PRR14L: variants seen among roughly 807,000 people sequenced by gnomAD.
PRR14L encodes proline rich 14 like.
Under a neutral mutation model 155.0 loss-of-function variants are expected in PRR14L, and 80 were observed. The ratio of observed to expected loss-of-function variants is 0.52; its 90% CI spans 0.43 to 0.62. The LOEUF is 0.62. Ranked by LOEUF, PRR14L falls within the 20% of genes least tolerant of loss-of-function variation. The pLI, the probability that PRR14L is intolerant of heterozygous loss-of-function variation, is 0.00. For synonymous variants in PRR14L, 883 were observed against 916.0 expected (o/e 0.96, Z 0.65); for missense variants, 2,469 against 2,548.0 (o/e 0.97, Z 0.67).
In PRR14L at chr22:31,714,824, G is replaced by A. The variant is rs1427823682; in HGVS notation, c.3015C>T (p.His1005=). Reference sequence around the variant, plus strand: ...CCTTTTGGTTGTGGTTTACCTCCCCGTGAGGCTCGGTGACAGTCTCTCTCT... The same window carrying A: ...CCTTTTGGTTGTGGTTTACCTCCCCATGAGGCTCGGTGACAGTCTCTCTCT... ...SDQRETVTEP[H]GEVNHNQKDL... Residue 1005 remains histidine, a synonymous_variant, in exon 4 of 9, where the codon CAC becomes CAT. Coordinates refer to ENST00000327423, the MANE Select transcript of PRR14L (RefSeq NM_173566.3). 6.4e-6 allele frequency: 10 copies of A among 1,551,884 alleles called. No homozygotes were observed. Among genetic ancestry groups the A allele is most frequent in the East Asian group, 2.4e-5 (1 of 40,934 alleles).
chr22:31,695,809 G>C (rs2074532646), intron 7 of PRR14L, among the ~76,000 whole-genome samples: 2 of 152,088 alleles, frequency 1.3e-5, no homozygotes, highest in South Asian at 4.1e-4. Flanking sequence ...GGGAGGTGGT[G>C]TCCCTTCCAA....
In PRR14L at chr22:31,716,219, G is replaced by T; in HGVS notation, c.1620C>A (p.Asp540Glu). 1 of 1,551,032 alleles carries T rather than the reference G, an allele frequency of 6.4e-7. No homozygotes were observed. The highest frequency in any genetic ancestry group is 8.7e-7 in the Non-Finnish European group (1 of 1,146,430). ...TCTGGATGCTGACTAAGGAGTTACA[G>T]TCTTTAGTGTAAAAAGATTTACTTA... ...NILSKSFYTK[D>E]CNSLVSIQRN... is the part of the protein sequence containing the mutation. Residue 540 changes from aspartate to glutamate, a missense_variant, in exon 4 of 9, where the codon GAC (aspartate) becomes GAA (glutamate). Physicochemically the swap from Asp to Glu is conservative, Grantham distance 45. Coordinates refer to ENST00000327423, the MANE Select transcript of PRR14L (RefSeq NM_173566.3).
rs1219753058 is a variant in PRR14L at position 31,688,214 on chromosome 22, C to T, written c.6121G>A (p.Glu2041Lys). ...LPRPKRLKKK[E>K]FSLEEIYTNK... ...GTATATATCTCTTCTAAACTAAACT[C>T]CTTCTTCTTTAACCTGAAAAGAAAT... The change falls in exon 8 of 9, where the codon GAG (glutamate) becomes AAG (lysine). Residue 2041 changes from glutamate (E) to lysine (K), a missense_variant. By Grantham distance (56) the Glu-to-Lys change is moderately conservative. Coordinates refer to ENST00000327423, the MANE Select transcript of PRR14L (RefSeq NM_173566.3). The T allele has an allele frequency of 9.4e-6, 15 of 1,594,358 alleles. No homozygotes were observed. Among genetic ancestry groups the T allele is most frequent in the Non-Finnish European group, 1.2e-5 (14 of 1,172,436 alleles).
At chr22:31,704,130 T>C (rs1246165383) in intron 5 of PRR14L, among the ~76,000 whole-genome samples, 1 of 152,214 alleles carries the variant, frequency 6.6e-6, no homozygotes, top group African/African-American at 2.4e-5. Context: ...CAATACTTTT[T>C]CTTTCTTTCC....
At chr22:31,709,680 A>G (rs757831351) in intron 4 of PRR14L, among the ~76,000 whole-genome samples, 6 of 151,436 alleles carry the variant, frequency 4.0e-5, no homozygotes, top group African/African-American at 4.9e-5. Flanking sequence ...AGCTGGGACT[A>G]CAGGTGTGTG....
intron 2 of PRR14L, among the ~76,000 whole-genome samples, chr22:31,737,934 G>A (rs1050771135): frequency 2.6e-5 from 4 of 151,812 alleles, no homozygotes; most frequent in African/African-American, 9.7e-5. Flanking sequence ...AGAATCACTT[G>A]AACCCAGAAG....
intron 1 of PRR14L, among the ~76,000 whole-genome samples, chr22:31,743,777 G>C (rs1248307870): frequency 6.6e-6 from 1 of 151,568 alleles, no homozygotes; most frequent in Non-Finnish European, 1.5e-5. Context: ...ACTCCAGACT[G>C]GGTGACACAG....
chr22:31,741,713 A>G (rs984436975), intron 1 of PRR14L, among the ~76,000 whole-genome samples: 1 of 151,884 alleles, frequency 6.6e-6, no homozygotes, highest in African/African-American at 2.4e-5. Flanking sequence ...CTCTACTAAA[A>G]ATATAAAAAT....
intron 4 of PRR14L, among the ~76,000 whole-genome samples, chr22:31,711,279 C>A (rs1054322441): frequency 7.9e-5 from 12 of 152,052 alleles, no homozygotes; most frequent in Non-Finnish European, 1.8e-4. Context: ...TCAAGACCAG[C>A]CTGGCCAACA....
intron 7 of PRR14L, among the ~76,000 whole-genome samples, chr22:31,701,232 C>T (rs2074561621): frequency 1.3e-5 from 2 of 152,146 alleles, no homozygotes; most frequent in Admixed American, 1.3e-4. Flanking sequence ...AGGTGATCTC[C>T]CCACCTCGGC....
chr22:31,699,282 C>T (rs1394312511), intron 7 of PRR14L, among the ~76,000 whole-genome samples: 1 of 152,170 alleles, frequency 6.6e-6, no homozygotes, highest in Admixed American at 6.6e-5. Context: ...AAATGATCCA[C>T]CCACCTCAGC....
intron 5 of PRR14L, 76 bp from the exon 6 acceptor site, chr22:31,703,797 ATTTTTTTT>A: frequency 1.5e-6 from 1 of 659,268 alleles, no homozygotes; most frequent in Non-Finnish European, 2.2e-6. Flanking sequence ...CTTCTTCTTC[ATTTTTTTT>A]TTTTTTTTTG....
chr22:31,702,132 T>C (rs1220110466), intron 6 of PRR14L, among the ~76,000 whole-genome samples: 1 of 152,244 alleles, frequency 6.6e-6, no homozygotes, highest in Admixed American at 6.5e-5. Flanking sequence ...ATAAAGTCCA[T>C]CTTGACACTT....
chr22:31,682,292 T>G lies in PRR14L; in HGVS notation c.*3235A>C, dbSNP rs1176923498. 6.6e-6 allele frequency: 1 copy of G among 152,156 alleles called. No homozygotes were observed. Among genetic ancestry groups the G allele is most frequent in the Non-Finnish European group, 1.5e-5 (1 of 68,040 alleles). The allele number at this position is 152,156 out of a possible 1,614,324, so 9.4% of individuals were successfully genotyped here. A position where few individuals can be genotyped will look rare whatever the true frequency, so the allele number is the denominator to read the frequency against. On this transcript the variant is annotated 3_prime_UTR_variant, in exon 9 of 9. Coordinates refer to ENST00000327423, the MANE Select transcript of PRR14L (RefSeq NM_173566.3). ...TGCCAAAGACCCTTTCAGGCAAAAT[T>G]GTGACAAAGTATCATGATTTTCACA...
Position 31,712,349 on chromosome 22 carries a change from T to C in PRR14L, c.5490A>G (p.Gly1830=), listed in dbSNP as rs765659795. 1 of 1,613,744 alleles carries C rather than the reference T, an allele frequency of 6.2e-7. No individual in the cohort carries two copies. Among genetic ancestry groups the C allele is most frequent in the Middle Eastern group, 1.6e-4 (1 of 6,062 alleles). ...GTTTTTTTGTCCAGATTCGGTAACA[T>C]CCTGGGGAACAAAGTGCTAGAAGTG... ...LHTLLALCSP[G]CYRIWTKKRS... Residue 1830 remains glycine (G), a synonymous_variant, in exon 4 of 9, where the codon GGA becomes GGG. Transcript: ENST00000327423.
intron 7 of PRR14L, among the ~76,000 whole-genome samples, chr22:31,694,825 G>A (rs2074528041): frequency 6.6e-6 from 1 of 150,912 alleles, no homozygotes; most frequent in Non-Finnish European, 1.5e-5. Context: ...GGTGGCTCAC[G>A]CCTATAATCC....
At position 31,716,738 on chromosome 22, in the gene PRR14L, A is replaced by T. The variant is rs1187220711; in HGVS notation, c.1101T>A (p.Gly367=). The change falls in exon 4 of 9, where the codon GGT becomes GGA. Residue 367 remains glycine (G), a synonymous_variant. Transcript: ENST00000327423. ...TTTCAGCAGATCTCTTTAGCAAACC[A>T]CCACCTTCAAAACCACAGTTTTCTA... ...ISLENCGFEG[G]GLLKRSAEKT... 43 of 1,551,666 alleles carry T rather than the reference A, an allele frequency of 2.8e-5. No homozygotes were observed. Among genetic ancestry groups the T allele is most frequent in the Non-Finnish European group, 3.4e-5 (39 of 1,146,970 alleles).
intron 1 of PRR14L, among the ~76,000 whole-genome samples, chr22:31,743,533 G>C (rs959789544): frequency 6.6e-6 from 1 of 152,012 alleles, no homozygotes; most frequent in Non-Finnish European, 1.5e-5. Context: ...GGGAGCGGTG[G>C]CTCAAGCCTG....
chr22:31,732,942 A>T (rs2074757988), intron 2 of PRR14L, among the ~76,000 whole-genome samples: 1 of 152,128 alleles, frequency 6.6e-6, no homozygotes, highest in Non-Finnish European at 1.5e-5. Flanking sequence ...ACTGCTGAAA[A>T]GAACAACCTT....
Sources: allele counts gnomAD v4.1 joint callset (sites outside exome capture counted in the v4.1 genomes callset), GRCh38; gene constraint gnomAD v4.1.1; transcripts MANE v1.5; gene names NCBI Gene and HGNC (gene_info 2026-07-23, HGNC 2026-07-21).